ARHGAP24: variants seen among roughly 807,000 people sequenced by gnomAD.
ARHGAP24 encodes the protein rho GTPase-activating protein 24.
Under a neutral mutation model 76.4 loss-of-function variants are expected in ARHGAP24, and 50 were observed. That is an observed-to-expected ratio of 0.65 (90% CI 0.52 to 0.83). The LOEUF (loss-of-function observed/expected upper bound fraction) is 0.83, where lower values mean the gene tolerates loss of function less well. ARHGAP24 is among the 40% of genes least tolerant of loss of function. The pLI, the probability that ARHGAP24 is intolerant of heterozygous loss-of-function variation, is 0.00. For missense variants in ARHGAP24, 930 were observed against 914.2 expected (o/e 1.02, Z -0.22); for synonymous variants, 345 against 323.3 (o/e 1.07, Z -0.72).
chr4:85,911,772 C>T (rs1735098022), intron 3 of ARHGAP24, among the ~76,000 whole-genome samples: 1 of 152,170 alleles, frequency 6.6e-6, no homozygotes, highest in African/African-American at 2.4e-5. Context: ...TGCTTTTAGC[C>T]ACCTGCAAAT....
chr4:85,595,147 A>G (rs79383881), intron 2 of ARHGAP24, among the ~76,000 whole-genome samples: 3,078 of 152,212 alleles, frequency 0.02, 50 homozygotes, highest in Non-Finnish European at 0.032. Context: ...CTCCAATCCA[A>G]TAACTCAGTA....
At chr4:85,503,722 T>C (rs765022644) in intron 1 of ARHGAP24, among the ~76,000 whole-genome samples, 2 of 152,214 alleles carry the variant, frequency 1.3e-5, no homozygotes, top group Non-Finnish European at 2.9e-5. Flanking sequence ...CTCCTTCAGT[T>C]CTGCTCTGAT....
chr4:85,838,555 C>T (rs975430355), intron 3 of ARHGAP24, among the ~76,000 whole-genome samples: 6 of 152,128 alleles, frequency 3.9e-5, no homozygotes, highest in East Asian at 1.9e-4. Context: ...GCCGAGATCA[C>T]GCCACTGCAC....
At chr4:85,669,268 G>T (rs1359525117) in intron 2 of ARHGAP24, among the ~76,000 whole-genome samples, 1 of 152,064 alleles carries the variant, frequency 6.6e-6, no homozygotes, top group Non-Finnish European at 1.5e-5. Flanking sequence ...TTATGTAATT[G>T]AGGAATTTTG....
At chr4:85,736,757 G>T (rs928959608) in intron 3 of ARHGAP24, among the ~76,000 whole-genome samples, 2 of 152,134 alleles carry the variant, frequency 1.3e-5, no homozygotes, top group Admixed American at 6.5e-5. Flanking sequence ...TCTAATTCTT[G>T]TGGCATCCAC....
chr4:85,888,305 C>G (rs1443705716), intron 3 of ARHGAP24, among the ~76,000 whole-genome samples: 1 of 149,508 alleles, frequency 6.7e-6, no homozygotes, highest in African/African-American at 2.5e-5. Flanking sequence ...GAGGCTGATA[C>G]AGGAAAATCG....
At chr4:85,994,449 T>A in intron 8 of ARHGAP24, 134 bp from the exon 9 acceptor site, 1 of 891,032 alleles carries the variant, frequency 1.1e-6, no homozygotes. Context: ...GCTATTATCA[T>A]AGTTAAGAAT....
At position 85,783,649 on chromosome 4, in the gene ARHGAP24, G is replaced by A. The variant is rs1467277944; in HGVS notation, c.268+61677G>A. The stretch of plus-strand genomic sequence containing the variant: ...TCTGTCTGAGTAAGAGGTCAATCAT[G>A]TACCCCATTCTCTGAAAATCCCCAG... On this transcript the variant is annotated intron_variant, in intron 3 of 9. Transcript: ENST00000395184. Among the ~76,000 whole-genome samples, 6 of 152,062 alleles carry A rather than the reference G, an allele frequency of 3.9e-5. No individual in the cohort carries two copies. The South Asian group carries it at 1.0e-3, about 26-fold the overall frequency.
At chr4:85,745,548 A>C (rs1384305601) in intron 3 of ARHGAP24, among the ~76,000 whole-genome samples, 1 of 149,690 alleles carries the variant, frequency 6.7e-6, no homozygotes, top group African/African-American at 2.4e-5. Context: ...CTGTGCTTAC[A>C]CAACTGTACT....
chr4:85,512,760 G>A (rs1398217399), intron 1 of ARHGAP24, among the ~76,000 whole-genome samples: 2 of 152,154 alleles, frequency 1.3e-5, no homozygotes, highest in Non-Finnish European at 1.5e-5. Context: ...TGCAAATTCA[G>A]GATATTTGAT....
chr4:85,980,328 A>G (rs1235209238), intron 8 of ARHGAP24, among the ~76,000 whole-genome samples: 1 of 152,240 alleles, frequency 6.6e-6, no homozygotes, highest in East Asian at 1.9e-4. Context: ...GTTACAATTC[A>G]AAATTATAAC....
At chr4:85,690,787 A>G (rs1352678138) in intron 2 of ARHGAP24, among the ~76,000 whole-genome samples, 2 of 143,060 alleles carry the variant, frequency 1.4e-5, no homozygotes, top group Non-Finnish European at 3.0e-5. Context: ...CATGGAACCA[A>G]CTCTTGGTTT....
intron 2 of ARHGAP24, among the ~76,000 whole-genome samples, chr4:85,716,394 A>G (rs1422589555): frequency 6.6e-6 from 1 of 152,146 alleles, no homozygotes; most frequent in Non-Finnish European, 1.5e-5. Flanking sequence ...AGTTTTAAAG[A>G]TTCTTCATAA....
intron 3 of ARHGAP24, among the ~76,000 whole-genome samples, chr4:85,782,036 CAAAAAAA>C (rs11353046): frequency 9.4e-6 from 1 of 106,656 alleles, no homozygotes; most frequent in Non-Finnish European, 1.8e-5. Flanking sequence ...GATTCTATCT[CAAAAAAA>C]AAAAAAAAGA....
intron 2 of ARHGAP24, among the ~76,000 whole-genome samples, chr4:85,641,261 G>C (rs758286799): frequency 9.9e-5 from 15 of 152,132 alleles, no homozygotes; most frequent in Non-Finnish European, 2.1e-4. Context: ...TTCTTGGCCT[G>C]AATCTTCCCC....
At chr4:85,660,072 G>A (rs1378643276) in intron 2 of ARHGAP24, among the ~76,000 whole-genome samples, 1 of 152,062 alleles carries the variant, frequency 6.6e-6, no homozygotes, top group East Asian at 1.9e-4. Context: ...GGAAAAAACG[G>A]CATGTGCTTA....
chr4:85,741,583 G>A (rs114954143), intron 3 of ARHGAP24, among the ~76,000 whole-genome samples: 4 of 152,316 alleles, frequency 2.6e-5, no homozygotes, highest in Non-Finnish European at 5.9e-5. Flanking sequence ...AAAGCTGGTA[G>A]ATGATGGCAA....
chr4:85,824,692 A>G (rs1297355910), intron 3 of ARHGAP24, among the ~76,000 whole-genome samples: 2 of 130,324 alleles, frequency 1.5e-5, no homozygotes, highest in East Asian at 3.2e-4. Context: ...ATCCAAGAGG[A>G]AAAAAAAACA....
intron 7 of ARHGAP24, among the ~76,000 whole-genome samples, chr4:85,976,970 G>A (rs540884649): frequency 6.6e-6 from 1 of 151,906 alleles, no homozygotes; most frequent in Non-Finnish European, 1.5e-5. Context: ...TTTTTTAGTA[G>A]AGATGGGGTT....
Sources: allele counts gnomAD v4.1 joint callset (sites outside exome capture counted in the v4.1 genomes callset), GRCh38; gene constraint gnomAD v4.1.1; transcripts MANE v1.5; gene names NCBI Gene and HGNC (gene_info 2026-07-23, HGNC 2026-07-21).